Variants in PKD1L1 observed in about 807,000 individuals in gnomAD.
PKD1L1 encodes polycystin-1-like protein 1.
A neutral mutation model predicts 323.4 loss-of-function variants in PKD1L1; 236 were observed. The ratio of observed to expected loss-of-function variants is 0.73; its 90% CI spans 0.66 to 0.81. The LOEUF is 0.81. Among genes scored for constraint, PKD1L1 ranks in the 40% least tolerant of loss-of-function variants. The pLI, the probability that PKD1L1 is intolerant of heterozygous loss-of-function variation, is 0.00. For synonymous variants in PKD1L1, 1,344 were observed against 1,335.0 expected, an observed-to-expected ratio of 1.01 and a Z score of -0.15; for missense variants, 3,320 against 3,508.0, an observed-to-expected ratio of 0.95 and a Z score of 1.35.
chr7:47,896,329 CAAAAAAAAA>C (rs34061319), intron 14 of PKD1L1, among the ~76,000 whole-genome samples: 2 of 46,870 alleles, frequency 4.3e-5, no homozygotes, highest in African/African-American at 1.6e-4. Flanking sequence ...GACCCTGTCT[CAAAAAAAAA>C]AAAAAAAAAA....
At chr7:47,910,020 A>C (rs1309931376) in intron 8 of PKD1L1, among the ~76,000 whole-genome samples, 1 of 152,206 alleles carries the variant, frequency 6.6e-6, no homozygotes, top group Non-Finnish European at 1.5e-5. Context: ...CTATATCTCA[A>C]ATGTTGAGAC....
intron 9 of PKD1L1, among the ~76,000 whole-genome samples, chr7:47,907,675 C>CA (rs1294094103): frequency 1.3e-5 from 2 of 152,172 alleles, no homozygotes; most frequent in Non-Finnish European, 2.9e-5. Context: ...AATGTGCCTC[C>CA]AGCCCGTGCT....
intron 26 of PKD1L1, among the ~76,000 whole-genome samples, chr7:47,863,687 C>T (rs952519563): frequency 3.3e-5 from 5 of 151,980 alleles, no homozygotes; most frequent in Admixed American, 6.6e-5. Context: ...GCAGGAGCAG[C>T]GGCAGTGTGG....
At chr7:47,912,625 G>A (rs1222978323) in intron 8 of PKD1L1, among the ~76,000 whole-genome samples, 8 of 151,876 alleles carry the variant, frequency 5.3e-5, no homozygotes, top group Non-Finnish European at 1.2e-4. Flanking sequence ...AGCCTGGCCT[G>A]GCCTTCATGG....
At chr7:47,847,708 T>A (rs985463447) in intron 31 of PKD1L1, among the ~76,000 whole-genome samples, 2 of 152,084 alleles carry the variant, frequency 1.3e-5, no homozygotes, top group Admixed American at 6.6e-5. Context: ...CTATAAAAAA[T>A]AATAATAAAC....
At chr7:47,897,062 T>A (rs937903422) in intron 14 of PKD1L1, among the ~76,000 whole-genome samples, 1 of 152,218 alleles carries the variant, frequency 6.6e-6, no homozygotes, top group African/African-American at 2.4e-5. Flanking sequence ...TGGCCCATCG[T>A]TACCTGCCTA....
chr7:47,864,620 C>CT (rs1192013080), intron 26 of PKD1L1, among the ~76,000 whole-genome samples: 4 of 139,880 alleles, frequency 2.9e-5, no homozygotes, highest in African/African-American at 5.4e-5. Flanking sequence ...TTCTTTCTTT[C>CT]TTTCTTTCTT....
rs755813696 is a variant in PKD1L1, at chr7:47,866,564, TA to T, written c.3946del (p.Tyr1316ThrfsTer10). The T allele has an allele frequency of 1.9e-6, 3 of 1,612,258 alleles. No homozygotes were observed. The African/African-American group carries it at 4.0e-5, about 22-fold the overall frequency. On this transcript the variant is annotated frameshift_variant, in exon 25 of 57. Transcript: ENST00000289672. LOFTEE classifies it high-confidence loss of function. ...NLSTLQLMGS[Y>X]TEIRNYITVI... The stretch of plus-strand genomic sequence containing the variant: ...AGTGATGTAGTTCCTGATTTCTGTG[TA>T]ACTCCCCATCAGCTGGAGGGTAGAA...
intron 11 of PKD1L1, among the ~76,000 whole-genome samples, 197 bp from the exon 12 acceptor site, chr7:47,904,814 C>T (rs1019025440): frequency 2.0e-5 from 3 of 152,138 alleles, no homozygotes; most frequent in Non-Finnish European, 2.9e-5. Flanking sequence ...GACTACCCCC[C>T]TCTTCATTAT....
chr7:47,949,368 CAAA>C (rs58131581), upstream of PKD1L1, among the ~76,000 whole-genome samples: 2,493 of 57,020 alleles, frequency 0.044, 129 homozygotes, highest in African/African-American at 0.15. Flanking sequence ...GGCTCTGTCT[CAAA>C]AAAAAAAAAA....
chr7:47,814,012 A>G lies in PKD1L1; in HGVS notation c.7092T>C (p.Pro2364=). Residue 2364 remains proline, a splice_region_variant and synonymous_variant, in exon 48 of 57, where the codon CCT becomes CCC. Transcript: ENST00000289672. The part of the protein sequence containing the change: ...TPSARVPGAQ[P]GALGGKCYLI... The stretch of plus-strand genomic sequence containing the variant: ...GGTAGCATTTTCCTCCAAGAGCTCC[A>G]GGCTGAAAGGAGAAAAAAGATGATG... 1 of 1,613,386 alleles carries G rather than the reference A, an allele frequency of 6.2e-7. No individual in the cohort carries two copies. Among genetic ancestry groups the G allele is most frequent in the Non-Finnish European group, 8.5e-7 (1 of 1,179,764 alleles).
At chr7:47,804,845 T>A (rs967580938) in intron 52 of PKD1L1, among the ~76,000 whole-genome samples, 1 of 152,102 alleles carries the variant, frequency 6.6e-6, no homozygotes, top group Non-Finnish European at 1.5e-5. Flanking sequence ...TCACAGCACA[T>A]CTCAGTTTGG....
intron 13 of PKD1L1, among the ~76,000 whole-genome samples, chr7:47,900,985 C>T (rs1206207378): frequency 6.6e-6 from 1 of 152,084 alleles, no homozygotes; most frequent in African/African-American, 2.4e-5. Flanking sequence ...TGGCTATCAC[C>T]TACTGCCTGG....
chr7:47,829,439 C>T lies in PKD1L1; in HGVS notation c.6721G>A (p.Gly2241Ser), dbSNP rs772792117. Reference protein sequence around the residue: ...SSSCSIPDCAGEVEKVLAARQ... With the variant: ...SSSCSIPDCASEVEKVLAARQ... ...ATTTTTTTTACTTTTTCAACCTCGC[C>T]TGCACAGTCAGGAATACTGCAGCTT... Residue 2241 changes from glycine to serine, a missense_variant, in exon 44 of 57, where the codon GGC becomes AGC. By Grantham distance (56) the Gly-to-Ser change is moderately conservative (BLOSUM62 0). Coordinates refer to ENST00000289672, the MANE Select transcript of PKD1L1 (RefSeq NM_138295.5). 6.8e-6 allele frequency: 11 copies of T among 1,607,308 alleles called. No homozygotes were observed. Among genetic ancestry groups the T allele is most frequent in the Non-Finnish European group, 9.3e-6 (11 of 1,178,350 alleles).
Position 47,948,248 on chromosome 7 carries a change from C to T in PKD1L1, c.44+149G>A, listed in dbSNP as rs1281456912. On this transcript the variant is annotated intron_variant, in intron 1 of 56. Coordinates refer to ENST00000289672, the MANE Select transcript of PKD1L1 (RefSeq NM_138295.5). ...CCAACTCCAACCTCTGAACTGACCCCGCCGGCCAAATGCACCCTCCTGGTA... is the reference window on the plus strand; with the variant it reads ...CCAACTCCAACCTCTGAACTGACCCTGCCGGCCAAATGCACCCTCCTGGTA... 2.8e-5 allele frequency: 24 copies of T among 855,688 alleles called. No individual in the cohort carries two copies. The Middle Eastern group carries it at 6.8e-4, about 24-fold the overall frequency. The allele number at this position is 855,688 out of a possible 1,614,324, so 53.0% of individuals were successfully genotyped here. A position where few individuals can be genotyped will look rare whatever the true frequency, so the allele number is the denominator to read the frequency against.
intron 9 of PKD1L1, 108 bp from the exon 10 acceptor site, chr7:47,906,070 C>A (rs925972813): frequency 5.3e-6 from 6 of 1,135,664 alleles, no homozygotes; most frequent in South Asian, 2.0e-5. Context: ...CCCTTTGAAT[C>A]TCAATAAATT....
At chr7:47,805,149 A>G (rs1784751326) in intron 52 of PKD1L1, among the ~76,000 whole-genome samples, 1 of 152,072 alleles carries the variant, frequency 6.6e-6, no homozygotes, top group South Asian at 2.1e-4. Context: ...CCCCCAAGGT[A>G]TGTATCATAG....
At chr7:47,939,664 G>C (rs1028071547) in intron 3 of PKD1L1, among the ~76,000 whole-genome samples, 1 of 152,152 alleles carries the variant, frequency 6.6e-6, no homozygotes, top group Non-Finnish European at 1.5e-5. Flanking sequence ...TAATTAATAG[G>C]GGTCTTCAAC....
chr7:47,800,793 T>C lies in PKD1L1; in HGVS notation c.8049A>G (p.Thr2683=). ...GAAACAGCAGCCCGGGGAAGGCGTC[T>C]GTGAAGGTGCCAGGTGGTAGAACCC... ...SMWVLPPGTF[T]DAFPGLLFHF... The change falls in exon 54 of 57, where the codon ACA becomes ACG. Residue 2683 remains threonine (T), a synonymous_variant. Coordinates refer to ENST00000289672, the MANE Select transcript of PKD1L1 (RefSeq NM_138295.5). 4 of 1,614,030 alleles carry C rather than the reference T, an allele frequency of 2.5e-6. No homozygotes were observed. The highest frequency in any genetic ancestry group is 3.4e-6 in the Non-Finnish European group (4 of 1,179,960).
Sources: allele counts gnomAD v4.1 joint callset (sites outside exome capture counted in the v4.1 genomes callset), GRCh38; gene constraint gnomAD v4.1.1; transcripts MANE v1.5; gene names NCBI Gene and HGNC (gene_info 2026-07-23, HGNC 2026-07-21).